RABGAP1L: variants seen among roughly 807,000 people sequenced by gnomAD.
The protein encoded by RABGAP1L is rab GTPase-activating protein 1-like.
A neutral mutation model predicts 137.7 loss-of-function variants in RABGAP1L; 63 were observed. The ratio of observed to expected loss-of-function variants is 0.46; its 90% confidence interval spans 0.37 to 0.56. The LOEUF is 0.56. RABGAP1L is among the 20% of genes least tolerant of loss of function. RABGAP1L has a pLI of 0.00. For synonymous variants in RABGAP1L, 431 were observed against 433.7 expected (o/e 0.99, Z 0.08); for missense variants, 1,095 against 1,244.0 (o/e 0.88, Z 1.80).
intron 13 of RABGAP1L, among the ~76,000 whole-genome samples, chr1:174,601,248 G>T (rs949019780): frequency 8.5e-5 from 13 of 152,150 alleles, no homozygotes; most frequent in African/African-American, 2.9e-4. Flanking sequence ...TTTCCTCCGG[G>T]GCCTCCAGGC....
At chr1:174,965,282 T>A (rs1669518028) in intron 20 of RABGAP1L, among the ~76,000 whole-genome samples, 1 of 152,220 alleles carries the variant, frequency 6.6e-6, no homozygotes, top group Admixed American at 6.5e-5. Flanking sequence ...CTGTTTTGTT[T>A]ACAGGCTTTG....
chr1:174,465,767 G>A (rs1249830074), intron 13 of RABGAP1L, among the ~76,000 whole-genome samples: 1 of 152,090 alleles, frequency 6.6e-6, no homozygotes, highest in Non-Finnish European at 1.5e-5. Flanking sequence ...TCATCATTTT[G>A]GTTGCCTTCC....
At chr1:174,649,883 G>T (rs928219093) in intron 14 of RABGAP1L, among the ~76,000 whole-genome samples, 1 of 152,106 alleles carries the variant, frequency 6.6e-6, no homozygotes, top group African/African-American at 2.4e-5. Flanking sequence ...GAATAGGAGT[G>T]GTGAGAGAGG....
chr1:174,624,986 C>T (rs1672836404), intron 13 of RABGAP1L, among the ~76,000 whole-genome samples: 1 of 151,784 alleles, frequency 6.6e-6, no homozygotes, highest in South Asian at 2.1e-4. Flanking sequence ...ATTCTCCTGC[C>T]TCAGCCTCCC....
chr1:174,179,773 G>A (rs933736077), intron 1 of RABGAP1L, among the ~76,000 whole-genome samples: 2 of 152,188 alleles, frequency 1.3e-5, no homozygotes, highest in African/African-American at 4.8e-5. Context: ...CTCTCTGAAA[G>A]GGTCTTGGGG....
intron 19 of RABGAP1L, among the ~76,000 whole-genome samples, chr1:174,908,137 C>T (rs1659422756): frequency 6.6e-6 from 1 of 152,140 alleles, no homozygotes; most frequent in African/African-American, 2.4e-5. Context: ...CACTCAGCAC[C>T]AGAGTTCCCA....
intron 13 of RABGAP1L, among the ~76,000 whole-genome samples, chr1:174,477,292 A>G (rs1023922631): frequency 6.6e-6 from 1 of 152,224 alleles, no homozygotes; most frequent in African/African-American, 2.4e-5. Context: ...TATGCTTTTC[A>G]TAAGCAAATA....
Position 174,969,277 on chromosome 1 carries a change from A to G in RABGAP1L, c.2434A>G (p.Arg812Gly). ...QQEDPMDRYK[R>G]ENRRLQEASM... is the part of the protein sequence containing the mutation. ...ACCTCTGGCTATTGTTCTTCTGCAG[A>G]GGGAGAACCGAAGATTACAGGAGGC... The change falls in exon 21 of 26, where the codon AGG becomes GGG. Residue 812 changes from arginine to glycine, a missense_variant and splice_region_variant. Transcript: ENST00000681986. The G allele has an allele frequency of 1.3e-6, 2 of 1,549,410 alleles. No individual in the cohort carries two copies. Among genetic ancestry groups the G allele is most frequent in the Non-Finnish European group, 1.7e-6 (2 of 1,145,676 alleles).
chr1:174,982,288 C>T (rs1041585819), intron 23 of RABGAP1L, among the ~76,000 whole-genome samples: 6 of 152,150 alleles, frequency 3.9e-5, no homozygotes, highest in African/African-American at 1.2e-4. Flanking sequence ...CCCCTAGTCC[C>T]CTACCCCTCC....
Position 174,527,449 on chromosome 1 carries a change from C to T in RABGAP1L, c.1711-109926C>T, listed in dbSNP as rs1346765139. Among the ~76,000 whole-genome samples, 4 of 151,950 alleles carry T rather than the reference C, an allele frequency of 2.6e-5. No individual in the cohort carries two copies. The East Asian group carries it at 5.8e-4, about 22-fold the overall frequency. ...CTTGAACTCCTGACCTCAGGTGATCCGCTGCCTCGGCCTCCCAAAGTGCTG... is the reference window on the plus strand; with the variant it reads ...CTTGAACTCCTGACCTCAGGTGATCTGCTGCCTCGGCCTCCCAAAGTGCTG... On this transcript the variant is annotated intron_variant, in intron 13 of 25. Transcript: ENST00000681986.
At chr1:174,242,852 G>A (rs939492156) in intron 5 of RABGAP1L, 2 of 152,174 alleles carry the variant, frequency 1.3e-5, no homozygotes, top group Non-Finnish European at 2.9e-5. Context: ...AGACAGGAGA[G>A]TGAATGAGTA....
chr1:174,730,549 CT>C (rs1380764561), intron 17 of RABGAP1L, among the ~76,000 whole-genome samples: 2 of 152,116 alleles, frequency 1.3e-5, no homozygotes, highest in South Asian at 2.1e-4. Flanking sequence ...CCAATAAGAC[CT>C]TTTTTTGGTG....
intron 17 of RABGAP1L, among the ~76,000 whole-genome samples, chr1:174,702,964 A>G (rs796070225): frequency 1.3e-5 from 2 of 152,262 alleles, no homozygotes; most frequent in Admixed American, 6.5e-5. Flanking sequence ...TAAGAAGTGT[A>G]TATTTTCAAT....
chr1:174,364,507 G>A (rs946718642), intron 11 of RABGAP1L, among the ~76,000 whole-genome samples: 3 of 151,856 alleles, frequency 2.0e-5, no homozygotes, highest in African/African-American at 4.8e-5. Flanking sequence ...ACCCGCCTCG[G>A]CCTCCCAAAG....
chr1:174,505,102 A>T (rs557116176), intron 13 of RABGAP1L, among the ~76,000 whole-genome samples: 4 of 152,156 alleles, frequency 2.6e-5, no homozygotes, highest in African/African-American at 9.7e-5. Flanking sequence ...GCAGGTATAT[A>T]AAAAAATGTT....
At position 174,237,506 on chromosome 1, in the gene RABGAP1L, A is replaced by G. The variant is rs1293350692; in HGVS notation, c.543-3977A>G. 1.4e-3 allele frequency among the ~76,000 whole-genome samples: 93 copies of G among 64,152 alleles called. 1 individual carries two copies. The highest frequency in any genetic ancestry group is 2.4e-3 in the Admixed American group (12 of 5,060). 42.1% of individuals were successfully genotyped at this position (64,152 alleles called of 152,430 possible). A position where few individuals can be genotyped will look rare whatever the true frequency, so the allele number is the denominator to read the frequency against. ...GTCAGCATTTGCTTGTCTGTAAAGT[A>G]TTTTATTTCTCCTTCACTTATGAAG... is the stretch of plus-strand genomic sequence containing the variant. On this transcript the variant is annotated intron_variant, in intron 4 of 25. Transcript: ENST00000681986.
At chr1:174,200,993 G>T (rs1668053146) in intron 1 of RABGAP1L, among the ~76,000 whole-genome samples, 1 of 152,168 alleles carries the variant, frequency 6.6e-6, no homozygotes, top group Admixed American at 6.5e-5. Context: ...GCAACCACCA[G>T]GGCCGTCGTT....
At chr1:174,974,173 G>A (rs1574053558) in intron 21 of RABGAP1L, among the ~76,000 whole-genome samples, 1 of 151,766 alleles carries the variant, frequency 6.6e-6, no homozygotes, top group South Asian at 2.1e-4. Context: ...TGTATTTTTA[G>A]TAGAGACAGG....
intron 13 of RABGAP1L, among the ~76,000 whole-genome samples, chr1:174,424,564 G>A (rs894381057): frequency 6.6e-6 from 1 of 151,912 alleles, no homozygotes; most frequent in Non-Finnish European, 1.5e-5. Context: ...GGCAGCAGTT[G>A]GCTTTTTGTT....
Sources: allele counts gnomAD v4.1 joint callset (sites outside exome capture counted in the v4.1 genomes callset), GRCh38; gene constraint gnomAD v4.1.1; transcripts MANE v1.5; gene names NCBI Gene and HGNC (gene_info 2026-07-23, HGNC 2026-07-21).